The following ZBTB20 variants were observed in gnomAD, a reference collection of about 807,000 sequenced individuals.
ZBTB20 encodes zinc finger and BTB domain-containing protein 20.
ZBTB20 carries 9 observed loss-of-function variants against 56.9 expected under a neutral mutation model. The ratio of observed to expected loss-of-function variants is 0.16; its 90% confidence interval spans 0.10 to 0.28. The LOEUF (loss-of-function observed/expected upper bound fraction) is 0.28, where lower values mean the gene tolerates loss of function less well. Among genes scored for constraint, ZBTB20 ranks in the 10% least tolerant of loss-of-function variants. The pLI, the probability that ZBTB20 is intolerant of heterozygous loss-of-function variation, is 1.00. For synonymous variants in ZBTB20, 417 were observed against 420.7 expected (o/e 0.99, Z 0.11); for missense variants, 655 against 1,003.0 (o/e 0.65, Z 4.69).
At chr3:114,682,085 C>G (rs2062009649) in intron 6 of ZBTB20, among the ~76,000 whole-genome samples, 1 of 151,464 alleles carries the variant, frequency 6.6e-6, no homozygotes, top group African/African-American at 2.4e-5. Context: ...TTAAATTTCA[C>G]AAAAAAAGGA....
At chr3:115,100,640 GC>G (rs2083554370) in intron 1 of ZBTB20, 1 of 152,170 alleles carries the variant, frequency 6.6e-6, no homozygotes, top group Non-Finnish European at 1.5e-5. Flanking sequence ...TTTAAGAGCA[GC>G]TGGCTCCACC....
At chr3:114,816,813 A>T (rs1032727) in intron 4 of ZBTB20, among the ~76,000 whole-genome samples, 101,943 of 152,076 alleles carry the variant, frequency 0.67, 39,469 homozygotes, top group East Asian at 0.96. Flanking sequence ...TCAGAAAGCA[A>T]TGATTTCAGT....
intron 5 of ZBTB20, among the ~76,000 whole-genome samples, chr3:114,756,245 C>G (rs1328411490): frequency 6.6e-6 from 1 of 152,064 alleles, no homozygotes; most frequent in Admixed American, 6.6e-5. Flanking sequence ...AACTAACCAC[C>G]TAAAATAATT....
intron 3 of ZBTB20, among the ~76,000 whole-genome samples, chr3:114,910,411 A>G (rs1159635945): frequency 6.6e-6 from 1 of 151,898 alleles, no homozygotes; most frequent in East Asian, 1.9e-4. Flanking sequence ...TAAAAATTGG[A>G]CCATAGAAAA....
At chr3:114,553,542 CTTA>C (rs148475080) in intron 6 of ZBTB20, among the ~76,000 whole-genome samples, 2,821 of 152,188 alleles carry the variant, frequency 0.019, 84 homozygotes, top group African/African-American at 0.064. Context: ...CTAACTCAGT[CTTA>C]TTATTAGCCA....
At chr3:114,707,289 G>A (rs567616410) in intron 5 of ZBTB20, among the ~76,000 whole-genome samples, 18 of 152,246 alleles carry the variant, frequency 1.2e-4, no homozygotes, top group Middle Eastern at 3.4e-3. Context: ...CTAACTCACA[G>A]TCATTTTTGC....
intron 2 of ZBTB20, among the ~76,000 whole-genome samples, chr3:115,005,595 A>T (rs574411356): frequency 6.6e-6 from 1 of 151,958 alleles, no homozygotes; most frequent in South Asian, 2.1e-4. Context: ...CATTAATATA[A>T]TTAATCCCAG....
At chr3:114,627,881 T>C (rs569022764) in intron 6 of ZBTB20, among the ~76,000 whole-genome samples, 1 of 152,240 alleles carries the variant, frequency 6.6e-6, no homozygotes, top group African/African-American at 2.4e-5. Context: ...CCAGGCTGAG[T>C]TAGTGTTAAT....
intron 3 of ZBTB20, among the ~76,000 whole-genome samples, chr3:114,903,428 A>G (rs1444161659): frequency 6.6e-6 from 1 of 152,096 alleles, no homozygotes; most frequent in Non-Finnish European, 1.5e-5. Flanking sequence ...GAACTAAGCT[A>G]GGCAAGGAGT....
chr3:114,726,046 T>C (rs1034083408), intron 5 of ZBTB20, among the ~76,000 whole-genome samples: 5 of 152,174 alleles, frequency 3.3e-5, no homozygotes, highest in South Asian at 2.1e-4. Context: ...ACACAAGATA[T>C]ATCACAGATA....
chr3:114,857,680 C>G (rs971572921), intron 4 of ZBTB20, among the ~76,000 whole-genome samples: 14 of 152,166 alleles, frequency 9.2e-5, no homozygotes, highest in Admixed American at 9.2e-4. Flanking sequence ...AACTGCAGAA[C>G]AGAGATGCAG....
intron 5 of ZBTB20, among the ~76,000 whole-genome samples, chr3:114,786,125 A>T (rs544553057): frequency 2.9e-4 from 44 of 151,996 alleles, no homozygotes; most frequent in Non-Finnish European, 5.4e-4. Context: ...AGTGAGAAAC[A>T]CCATTTCTTT....
chr3:115,119,670 G>A (rs1180981046), intron 1 of ZBTB20, among the ~76,000 whole-genome samples: 2 of 152,054 alleles, frequency 1.3e-5, no homozygotes, highest in East Asian at 1.9e-4. Context: ...TTTAGCTTGT[G>A]TTTATTTCTA....
chr3:114,371,870 A>G (rs1200139563), intron 10 of ZBTB20, among the ~76,000 whole-genome samples: 10 of 152,122 alleles, frequency 6.6e-5, no homozygotes, highest in Admixed American at 6.5e-4. Flanking sequence ...GAACTGGCAC[A>G]CATTCCTCAG....
Position 114,594,451 on chromosome 3 carries a change from G to C in ZBTB20, c.-294-94060C>G, listed in dbSNP as rs2056127718. ...CGGGCTAATTTTTTGTATTTTAGTA[G>C]AGACGGGGTTTCACTATGTTGGCCA... is the stretch of plus-strand genomic sequence containing the variant. On this transcript the variant is annotated intron_variant, in intron 6 of 11. Transcript: ENST00000675478. Among the ~76,000 whole-genome samples the C allele has an allele frequency of 2.6e-5, 4 of 152,030 alleles. No individual in the cohort carries two copies. In the South Asian group the frequency reaches 6.2e-4, roughly 24 times the overall value.
chr3:114,623,216 T>C (rs944516865), intron 6 of ZBTB20, among the ~76,000 whole-genome samples: 1 of 152,072 alleles, frequency 6.6e-6, no homozygotes, highest in Non-Finnish European at 1.5e-5. Context: ...AGGGAGAGTA[T>C]GAGTTATTAA....
At chr3:114,549,147 T>C (rs932394227) in intron 6 of ZBTB20, among the ~76,000 whole-genome samples, 3 of 152,210 alleles carry the variant, frequency 2.0e-5, no homozygotes, top group Non-Finnish European at 2.9e-5. Flanking sequence ...AATCCTTTTA[T>C]GACATTTCAC....
intron 2 of ZBTB20, among the ~76,000 whole-genome samples, chr3:115,045,490 T>G (rs895733208): frequency 2.0e-5 from 3 of 151,922 alleles, no homozygotes; most frequent in Non-Finnish European, 4.4e-5. Flanking sequence ...ACTACACCTT[T>G]CTACAATTAA....
At chr3:114,592,957 G>T (rs1483946261) in intron 6 of ZBTB20, among the ~76,000 whole-genome samples, 1 of 152,148 alleles carries the variant, frequency 6.6e-6, no homozygotes, top group Non-Finnish European at 1.5e-5. Context: ...GCATATAAAT[G>T]GTTGCTGGGT....
Sources: allele counts gnomAD v4.1 joint callset (sites outside exome capture counted in the v4.1 genomes callset), GRCh38; gene constraint gnomAD v4.1.1; transcripts MANE v1.5; gene names NCBI Gene and HGNC (gene_info 2026-07-23, HGNC 2026-07-21).